The following FBH1 variants were observed in gnomAD, a reference collection of about 807,000 sequenced individuals.
FBH1 encodes DNA 3'-5' helicase 1.
Under a neutral mutation model 115.5 loss-of-function variants are expected in FBH1, and 43 were observed. That is an observed-to-expected ratio of 0.37 (90% CI 0.29 to 0.48). The LOEUF is 0.48. FBH1 is among the 20% of genes least tolerant of loss of function. FBH1 has a pLI of 0.99. For missense variants in FBH1, 1,001 were observed against 1,337.3 expected, an observed-to-expected ratio of 0.75 and a Z score of 3.92; for synonymous variants, 524 against 507.8, an observed-to-expected ratio of 1.03 and a Z score of -0.43.
chr10:5,932,292 T>C lies in FBH1; in HGVS notation c.2830-4164T>C, dbSNP rs940844717. On this transcript the variant is annotated intron_variant, in intron 19 of 20. Transcript: ENST00000362091. This position sits in a 1 kb window ranked among gnomAD's most constrained non-coding sequence, Gnocchi z 5.9. ...ATTTCTTTATGCAAGTATTAGCAAA[T>C]TCGTAGGTATTTTCATATTCTCCTT... Among the ~76,000 whole-genome samples, 10 of 152,236 alleles carry C rather than the reference T, an allele frequency of 6.6e-5. No homozygotes were observed. The highest frequency in any genetic ancestry group is 1.3e-4 in the Non-Finnish European group (9 of 68,040).
chr10:5,929,239 T>C (rs1418728138), intron 19 of FBH1: 1 of 152,146 alleles, frequency 6.6e-6, no homozygotes, highest in Non-Finnish European at 1.5e-5. Context: ...GAAGATAATA[T>C]CAAAACTTAA....
Position 5,897,781 on chromosome 10 carries a change from C to T in FBH1, c.2-5239C>T, listed in dbSNP as rs1400965782. On this transcript the variant is annotated intron_variant, in intron 1 of 20. Transcript: ENST00000362091. This position sits in a 1 kb window ranked among gnomAD's most constrained non-coding sequence, Gnocchi z 4.7. ...CTCCCTTGAAGCAGAACACAGTGTT[C>T]CAACACTCCCATTAGCACTTTCTGT... Among the ~76,000 whole-genome samples, 2 of 152,202 alleles carry T rather than the reference C, an allele frequency of 1.3e-5. No individual in the cohort carries two copies. The highest frequency in any genetic ancestry group is 2.4e-5 in the African/African-American group (1 of 41,444).
chr10:5,932,496 C>T lies in FBH1; in HGVS notation c.2830-3960C>T, dbSNP rs1217140634. 6.6e-6 allele frequency among the ~76,000 whole-genome samples: 1 copy of T among 152,184 alleles called. No homozygotes were observed. The highest frequency in any genetic ancestry group is 1.5e-5 in the Non-Finnish European group (1 of 68,036). ...TTTATCAGCTCACAGAGCTCTCTCG[C>T]CTCTTGGTCAGCTGCATAGTGTTCT... is the stretch of plus-strand genomic sequence containing the variant. On this transcript the variant is annotated intron_variant, in intron 19 of 20. Transcript: ENST00000362091. This position sits in a 1 kb window ranked among gnomAD's most constrained non-coding sequence, Gnocchi z 5.9.
chr10:5,907,824 T>C (rs1024685431), intron 3 of FBH1, among the ~76,000 whole-genome samples: 1 of 152,218 alleles, frequency 6.6e-6, no homozygotes, highest in African/African-American at 2.4e-5. Context: ...CAGTTTTCCT[T>C]CTGCTATTGA....
rs1833433324 is a variant in FBH1 at position 5,937,400 on chromosome 10, G to A, written c.*120G>A. On this transcript the variant is annotated 3_prime_UTR_variant, in exon 21 of 21. Transcript: ENST00000362091. ...GGGTTCACCCACAGCACTTTCTGAG[G>A]AAGAGGACACCAGCCCAAGCTGGAC... 6.8e-6 allele frequency: 8 copies of A among 1,170,302 alleles called. No homozygotes were observed. The South Asian group carries it at 1.5e-4, about 22-fold the overall frequency. 72.5% of individuals were successfully genotyped at this position (1,170,302 alleles called of 1,614,324 possible).
Position 5,913,435 on chromosome 10 carries a change from C to A in FBH1, c.1212-312C>A, listed in dbSNP as rs1415051627. ...GTGTTTCCCTTTGCCTTCCACTGGT[C>A]CTTACAGTTTTTCAGGTTGTTTGTC... On this transcript the variant is annotated intron_variant, in intron 6 of 20. Coordinates refer to ENST00000362091, the MANE Select transcript of FBH1 (RefSeq NM_178150.3). The surrounding 1 kb of genome is among the most constrained non-coding windows in gnomAD (Gnocchi z 4.4). Among the ~76,000 whole-genome samples, 3 of 152,130 alleles carry A rather than the reference C, an allele frequency of 2.0e-5. No individual in the cohort carries two copies. Among genetic ancestry groups the A allele is most frequent in the Non-Finnish European group, 2.9e-5 (2 of 68,018 alleles).
Position 5,910,946 on chromosome 10 carries a change from C to A in FBH1, c.1029C>A (p.Asn343Lys). The stretch of plus-strand genomic sequence containing the variant: ...GTGCACCTGGCTTGCAGGGTGTCAA[C>A]ATCTGGGCCCTGGTGGCGGCTGTGG... ...PDLYAAAGGVNIWALVAAVVL... is the reference protein window; with the variant it reads ...PDLYAAAGGVKIWALVAAVVL... Residue 343 changes from asparagine to lysine, a missense_variant, in exon 6 of 21, where the codon AAC becomes AAA. Asn to Lys is a moderately conservative substitution (Grantham distance 94). Coordinates refer to ENST00000362091, the MANE Select transcript of FBH1 (RefSeq NM_178150.3). The surrounding 1 kb of genome is among the most constrained non-coding windows in gnomAD (Gnocchi z 4.8). 6.2e-7 allele frequency: 1 copy of A among 1,609,514 alleles called. No homozygotes were observed. Among genetic ancestry groups the A allele is most frequent in the African/African-American group, 1.3e-5 (1 of 75,008 alleles).
At chr10:5,903,549 G>A (rs1843501276) in intron 2 of FBH1, among the ~76,000 whole-genome samples, 2 of 151,850 alleles carry the variant, frequency 1.3e-5, no homozygotes, top group African/African-American at 4.8e-5. Flanking sequence ...GGCTGGTCTC[G>A]AACTCCTGAC....
At position 5,925,338 on chromosome 10, in the gene FBH1, A is replaced by G. The variant is rs1832581591; in HGVS notation, c.2597-29A>G. The G allele has an allele frequency of 1.2e-6, 2 of 1,611,912 alleles. No individual in the cohort carries two copies. The highest frequency in any genetic ancestry group is 1.1e-5 in the South Asian group (1 of 90,696). ...CTTGTTTCTTTCCCTTTGAAGCACC[A>G]TCTAACGTGTGCTGTGTTTTTATCC... On this transcript the variant is annotated intron_variant, in intron 17 of 20. Coordinates refer to ENST00000362091, the MANE Select transcript of FBH1 (RefSeq NM_178150.3). This position sits in a 1 kb window ranked among gnomAD's most constrained non-coding sequence, Gnocchi z 4.6.
chr10:5,915,561 A>G lies in FBH1; in HGVS notation c.1555A>G (p.Ile519Val), dbSNP rs1831873626. 6.2e-7 allele frequency: 1 copy of G among 1,614,196 alleles called. No homozygotes were observed. Residue 519 changes from isoleucine (I) to valine (V), a missense_variant, in exon 9 of 21, where the codon ATA (isoleucine) becomes GTA (valine). Around this residue, in one of 4 missense-constraint regions of FBH1, gnomAD observed 521 missense variants for 811.0 expected, o/e 0.64. Transcript: ENST00000362091. This position sits in a 1 kb window ranked among gnomAD's most constrained non-coding sequence, Gnocchi z 5.2. ...CTTCCACTCCATGGCCTACGGGCAC[A>G]TAGGGCGGAAGTGAGTACTGCTGTC... is the stretch of plus-strand genomic sequence containing the variant. ...KTFHSMAYGH[I>V]GRKYQSKKKL...
intron 1 of FBH1, among the ~76,000 whole-genome samples, chr10:5,896,189 G>C (rs182989132): frequency 6.6e-6 from 1 of 152,100 alleles, no homozygotes; most frequent in Non-Finnish European, 1.5e-5. Flanking sequence ...GTAAGGACTC[G>C]TTCAGGGGAG....
intron 3 of FBH1, among the ~76,000 whole-genome samples, chr10:5,908,288 G>A (rs999272091): frequency 6.6e-6 from 1 of 152,142 alleles, no homozygotes; most frequent in Non-Finnish European, 1.5e-5. Context: ...GTATTTAACA[G>A]ACAGAATTGA....
At chr10:5,934,364 G>GTTTTTTTTTTTTTTTTTTTTTT (rs60109796) in intron 19 of FBH1, 1 of 141,090 alleles carries the variant, frequency 7.1e-6, no homozygotes, top group African/African-American at 2.7e-5. Context: ...TCAAAGACAG[G>GTTTTTTTTTTTTTTTTTTTTTT]TTTTTTTTTT....
chr10:5,915,598 T>C lies in FBH1; in HGVS notation c.1565+27T>C, dbSNP rs1257164903. 6 of 1,608,976 alleles carry C rather than the reference T, an allele frequency of 3.7e-6. No individual in the cohort carries two copies. The highest frequency in any genetic ancestry group is 4.3e-6 in the Non-Finnish European group (5 of 1,175,970). On this transcript the variant is annotated intron_variant, in intron 9 of 20. Coordinates refer to ENST00000362091, the MANE Select transcript of FBH1 (RefSeq NM_178150.3). The surrounding 1 kb of genome is among the most constrained non-coding windows in gnomAD (Gnocchi z 5.2). ...TGAGTACTGCTGTCACTAGTGGCAC[T>C]GTTGCTGCTGGCACGGTCGCGTCTT...
In FBH1 at chr10:5,917,456, A is replaced by G; in HGVS notation, c.1825A>G (p.Met609Val). The change falls in exon 11 of 21, where the codon ATG (methionine) becomes GTG (valine). Residue 609 changes from methionine (M) to valine (V), a missense_variant. By Grantham distance (21) the Met-to-Val change is conservative. This residue lies in a region of FBH1 where 521 missense variants were observed against 811.0 expected (regional missense o/e 0.64). Coordinates refer to ENST00000362091, the MANE Select transcript of FBH1 (RefSeq NM_178150.3). The surrounding 1 kb of genome is among the most constrained non-coding windows in gnomAD (Gnocchi z 5.6). The stretch of plus-strand genomic sequence containing the variant: ...TGAAGCGAGCCGCCTCTGGGATAAC[A>G]TGCGGAAGCTGGGGGAGTGCACAGA... ...VLEASRLWDN[M>V]RKLGECTEEA... is the part of the protein sequence containing the mutation. The G allele has an allele frequency of 1.2e-6, 2 of 1,614,210 alleles. No individual in the cohort carries two copies. Among genetic ancestry groups the G allele is most frequent in the Non-Finnish European group, 8.5e-7 (1 of 1,180,028 alleles).
In FBH1 at chr10:5,913,955, T is replaced by G; in HGVS notation, c.1304+116T>G. On this transcript the variant is annotated intron_variant, in intron 7 of 20. Transcript: ENST00000362091. The surrounding 1 kb of genome is among the most constrained non-coding windows in gnomAD (Gnocchi z 4.4). Reference sequence around the variant, plus strand: ...CATCATTGAGGTTAATAATGTAAATTGTGTAAAACTCACCCATCCTAAGAG... The same window carrying G: ...CATCATTGAGGTTAATAATGTAAATGGTGTAAAACTCACCCATCCTAAGAG... 2 of 880,656 alleles carry G rather than the reference T, an allele frequency of 2.3e-6. No individual in the cohort carries two copies. Among genetic ancestry groups the G allele is most frequent in the Non-Finnish European group, 3.6e-6 (2 of 558,252 alleles). The allele number at this position is 880,656 out of a possible 1,614,324, so 54.6% of individuals were successfully genotyped here. A position where few individuals can be genotyped will look rare whatever the true frequency, so the allele number is the denominator to read the frequency against.
In FBH1 at chr10:5,918,475, G is replaced by C. The variant is rs761722840; in HGVS notation, c.2097G>C (p.Thr699=). The C allele has an allele frequency of 6.3e-7, 1 of 1,597,128 alleles. No homozygotes were observed. The highest frequency in any genetic ancestry group is 8.5e-7 in the Non-Finnish European group (1 of 1,174,496). ...TVPHTHVFYL[T]QSFRFGVEIA... is the part of the protein sequence containing the mutation. ...CCCACACCCACGTCTTCTATCTCACGCAGGTAAGTGCGCACTCTGCATGGG... is the reference window on the plus strand; with the variant it reads ...CCCACACCCACGTCTTCTATCTCACCCAGGTAAGTGCGCACTCTGCATGGG... Residue 699 remains threonine, a synonymous_variant, in exon 13 of 21, where the codon ACG becomes ACC. Transcript: ENST00000362091. This position sits in a 1 kb window ranked among gnomAD's most constrained non-coding sequence, Gnocchi z 4.0.
intron 15 of FBH1, among the ~76,000 whole-genome samples, chr10:5,922,713 G>C (rs912969812): frequency 2.0e-5 from 3 of 152,166 alleles, no homozygotes; most frequent in Admixed American, 6.5e-5. Flanking sequence ...GGAGTGTGGG[G>C]CCCTGGTTGT....
At chr10:5,890,678 G>T (rs1230675750) in intron 1 of FBH1, among the ~76,000 whole-genome samples, 1 of 152,198 alleles carries the variant, frequency 6.6e-6, no homozygotes, top group Non-Finnish European at 1.5e-5. Context: ...GGCCTCGGCT[G>T]CTAGGAGGCC....
Sources: allele counts gnomAD v4.1 joint callset (sites outside exome capture counted in the v4.1 genomes callset), GRCh38; gene constraint gnomAD v4.1.1; regional missense constraint gnomAD v4.1.1; non-coding constraint Gnocchi (gnomAD v3.1); transcripts MANE v1.5; gene names NCBI Gene and HGNC (gene_info 2026-07-23, HGNC 2026-07-21).